THSD7B: variants seen among roughly 807,000 people sequenced by gnomAD.
The protein encoded by THSD7B is thrombospondin type-1 domain-containing protein 7B.
In THSD7B, 138 loss-of-function variants were observed where a neutral mutation model predicts 213.6. That is an observed-to-expected ratio of 0.65 (90% CI 0.56 to 0.74). The LOEUF (loss-of-function observed/expected upper bound fraction) is 0.74. Ranked by LOEUF, THSD7B falls within the 30% of genes least tolerant of loss-of-function variation. The pLI is 0.00. For missense variants in THSD7B, 1,931 were observed against 1,991.5 expected (o/e 0.97, Z 0.58); for synonymous variants, 742 against 687.0 (o/e 1.08, Z -1.25).
rs543699767 is a variant in THSD7B, at chr2:137,605,152, T to C, written c.3424-11023T>C. Among the ~76,000 whole-genome samples, 7 of 152,302 alleles carry C rather than the reference T, an allele frequency of 4.6e-5. No individual in the cohort carries two copies. In the East Asian group the frequency reaches 9.6e-4, roughly 21 times the overall value. On this transcript the variant is annotated intron_variant, in intron 17 of 27. Coordinates refer to ENST00000409968, the MANE Select transcript of THSD7B (RefSeq NM_001316349.2). ...TTCTCAATTTGGCTGCATGTCTTGT[T>C]TTCCAGATGCTAATTTCTATTTTGA...
At chr2:137,396,795 G>A (rs1686203277) in intron 12 of THSD7B, among the ~76,000 whole-genome samples, 3 of 151,692 alleles carry the variant, frequency 2.0e-5, no homozygotes, top group Non-Finnish European at 2.9e-5. Context: ...ATGTGTGGGA[G>A]TCTAAGTCTC....
At chr2:137,314,913 T>C (rs1029512624) in intron 12 of THSD7B, among the ~76,000 whole-genome samples, 1 of 152,212 alleles carries the variant, frequency 6.6e-6, no homozygotes, top group African/African-American at 2.4e-5. Flanking sequence ...TCTTCAACGC[T>C]GTCAGACAGG....
At chr2:137,370,715 T>C (rs1685521518) in intron 12 of THSD7B, among the ~76,000 whole-genome samples, 1 of 152,152 alleles carries the variant, frequency 6.6e-6, no homozygotes, top group East Asian at 1.9e-4. Flanking sequence ...GCGATCCACC[T>C]GCCTAGGCCT....
At chr2:136,937,392 T>C (rs1401994448) in intron 2 of THSD7B, among the ~76,000 whole-genome samples, 6 of 152,102 alleles carry the variant, frequency 3.9e-5, no homozygotes, top group Non-Finnish European at 8.8e-5. Flanking sequence ...CCATCTTTTA[T>C]GTAAAACATT....
At chr2:137,557,883 C>T (rs995021772) in intron 15 of THSD7B, among the ~76,000 whole-genome samples, 1 of 152,144 alleles carries the variant, frequency 6.6e-6, no homozygotes, top group African/African-American at 2.4e-5. Flanking sequence ...TAAGGGATAT[C>T]ACCACTGATC....
At chr2:137,232,681 G>T (rs966300498) in intron 8 of THSD7B, among the ~76,000 whole-genome samples, 2 of 152,166 alleles carry the variant, frequency 1.3e-5, no homozygotes, top group African/African-American at 4.8e-5. Flanking sequence ...GATGTGGACT[G>T]CTGCTTGTTA....
intron 10 of THSD7B, among the ~76,000 whole-genome samples, chr2:137,243,935 T>C (rs752871876): frequency 6.6e-6 from 1 of 152,218 alleles, no homozygotes; most frequent in Non-Finnish European, 1.5e-5. Context: ...AATACAGTGC[T>C]TTATTTATCT....
intron 5 of THSD7B, among the ~76,000 whole-genome samples, chr2:137,121,910 GATGTCAGT>G (rs1178128012): frequency 2.6e-5 from 4 of 152,196 alleles, no homozygotes; most frequent in Non-Finnish European, 4.4e-5. Flanking sequence ...CTGCAACCTG[GATGTCAGT>G]ATTCCATGCC....
At chr2:137,643,705 G>A (rs1281064027) in intron 21 of THSD7B, among the ~76,000 whole-genome samples, 1 of 152,152 alleles carries the variant, frequency 6.6e-6, no homozygotes, top group African/African-American at 2.4e-5. Context: ...TGACAGAATA[G>A]AGAAAATAAG....
At chr2:137,405,531 G>A (rs1686495316) in intron 12 of THSD7B, 82 bp from the exon 13 acceptor site, 30 of 1,340,692 alleles carry the variant, frequency 2.2e-5, no homozygotes, top group Middle Eastern at 3.8e-4. Context: ...TAAACATTGG[G>A]GGATTCTGCT....
intron 3 of THSD7B, among the ~76,000 whole-genome samples, chr2:137,061,404 C>T (rs1369183012): frequency 6.9e-6 from 1 of 145,334 alleles, no homozygotes; most frequent in East Asian, 2.0e-4. Context: ...CAATGTTATA[C>T]AGGAGTGATG....
At chr2:137,175,347 A>T (rs924564849) in intron 7 of THSD7B, among the ~76,000 whole-genome samples, 4 of 152,216 alleles carry the variant, frequency 2.6e-5, no homozygotes, top group Admixed American at 1.3e-4. Flanking sequence ...GCACTTCTAG[A>T]AGGCAAATGC....
chr2:137,044,921 G>T (rs1369984224), intron 2 of THSD7B, among the ~76,000 whole-genome samples: 1 of 152,162 alleles, frequency 6.6e-6, no homozygotes, highest in African/African-American at 2.4e-5. Context: ...TGTTTCAGGG[G>T]ATCCCTTGTT....
At chr2:137,177,864 A>C (rs961260650) in intron 7 of THSD7B, among the ~76,000 whole-genome samples, 1 of 152,202 alleles carries the variant, frequency 6.6e-6, no homozygotes, top group Non-Finnish European at 1.5e-5. Context: ...TGAGGTCAGG[A>C]GATTGAGACC....
At chr2:137,288,507 G>A (rs1370783339) in intron 12 of THSD7B, among the ~76,000 whole-genome samples, 1 of 152,002 alleles carries the variant, frequency 6.6e-6, no homozygotes, top group African/African-American at 2.4e-5. Context: ...GAAGGGTTTT[G>A]AGAGCCTATA....
At chr2:137,450,012 A>T (rs144052485) in intron 14 of THSD7B, among the ~76,000 whole-genome samples, 199 of 152,296 alleles carry the variant, frequency 1.3e-3, no homozygotes, top group African/African-American at 4.5e-3. Flanking sequence ...CGGGAAAGGA[A>T]CACAAGAGAA....
intron 3 of THSD7B, among the ~76,000 whole-genome samples, chr2:137,088,367 A>G (rs1687882632): frequency 6.6e-6 from 1 of 152,102 alleles, no homozygotes; most frequent in Admixed American, 6.6e-5. Context: ...AAACAAAAAC[A>G]TAAAATGAGG....
chr2:137,526,206 T>C (rs1415149843), intron 15 of THSD7B, among the ~76,000 whole-genome samples: 1 of 152,106 alleles, frequency 6.6e-6, no homozygotes, highest in Non-Finnish European at 1.5e-5. Flanking sequence ...ATTCCCTTCC[T>C]TTTCATCTAA....
intron 5 of THSD7B, among the ~76,000 whole-genome samples, chr2:137,150,270 G>C (rs971333729): frequency 6.7e-6 from 1 of 148,354 alleles, no homozygotes; most frequent in African/African-American, 2.5e-5. Context: ...AAAAGAAAAA[G>C]AAAGAAATGT....
Sources: allele counts gnomAD v4.1 joint callset (sites outside exome capture counted in the v4.1 genomes callset), GRCh38; gene constraint gnomAD v4.1.1; transcripts MANE v1.5; gene names NCBI Gene and HGNC (gene_info 2026-07-23, HGNC 2026-07-21).